The following TBC1D22A variants were observed in gnomAD, a reference collection of about 807,000 sequenced individuals.
The protein encoded by TBC1D22A is TBC1 domain family member 22A.
TBC1D22A carries 38 observed loss-of-function variants against 60.2 expected under a neutral mutation model. That is an observed-to-expected ratio of 0.63 (90% CI 0.49 to 0.83). The LOEUF (loss-of-function observed/expected upper bound fraction) is 0.83, where lower values mean the gene tolerates loss of function less well. Among genes scored for constraint, TBC1D22A ranks in the 40% least tolerant of loss-of-function variants. TBC1D22A has a pLI of 0.00. For synonymous variants in TBC1D22A, 302 were observed against 281.7 expected (o/e 1.07, Z -0.72); for missense variants, 628 against 701.0 (o/e 0.90, Z 1.18).
intron 4 of TBC1D22A, among the ~76,000 whole-genome samples, chr22:46,802,368 C>T (rs1209137047): frequency 2.6e-5 from 4 of 152,134 alleles, no homozygotes; most frequent in Admixed American, 6.5e-5. Context: ...GCTGGAGCTG[C>T]TCTGCAGTTG....
chr22:46,852,311 G>A (rs1005166157), intron 4 of TBC1D22A, among the ~76,000 whole-genome samples: 1 of 152,220 alleles, frequency 6.6e-6, no homozygotes, highest in Admixed American at 6.5e-5. Flanking sequence ...GAGAACTTTA[G>A]CACCTCCCCT....
At chr22:46,964,180 CCGAAACA>C (rs2073685219) in intron 8 of TBC1D22A, among the ~76,000 whole-genome samples, 1 of 152,178 alleles carries the variant, frequency 6.6e-6, no homozygotes, top group African/African-American at 2.4e-5. Flanking sequence ...GCTGGGCCAT[CCGAAACA>C]CATTCTTTGT....
chr22:47,053,320 G>T (rs550134655), intron 11 of TBC1D22A, among the ~76,000 whole-genome samples: 2 of 152,310 alleles, frequency 1.3e-5, no homozygotes, highest in South Asian at 4.1e-4. Flanking sequence ...AGAAGGTGAG[G>T]GGTTGCCAGG....
chr22:46,869,203 G>T (rs1454578167), intron 4 of TBC1D22A, among the ~76,000 whole-genome samples: 1 of 152,208 alleles, frequency 6.6e-6, no homozygotes, highest in Admixed American at 6.5e-5. Context: ...ATAAATCTGT[G>T]CTTTGCTTAG....
chr22:46,807,652 T>G (rs1361017736), intron 4 of TBC1D22A, among the ~76,000 whole-genome samples: 1 of 152,170 alleles, frequency 6.6e-6, no homozygotes, highest in Non-Finnish European at 1.5e-5. Flanking sequence ...TTCCTGTGAT[T>G]CCCATTTTGC....
chr22:47,025,681 G>T (rs1266146992), intron 10 of TBC1D22A, among the ~76,000 whole-genome samples: 2 of 152,240 alleles, frequency 1.3e-5, no homozygotes, highest in African/African-American at 4.8e-5. Flanking sequence ...AGTACTGAGT[G>T]TGTGAGAAGA....
chr22:47,076,638 C>T (rs2064238951), intron 11 of TBC1D22A, among the ~76,000 whole-genome samples: 1 of 151,920 alleles, frequency 6.6e-6, no homozygotes, highest in African/African-American at 2.4e-5. Flanking sequence ...CATTTCCTTC[C>T]ACTTGTTCTC....
intron 12 of TBC1D22A, among the ~76,000 whole-genome samples, chr22:47,117,930 C>G (rs1168280067): frequency 6.6e-6 from 1 of 152,062 alleles, no homozygotes; most frequent in African/African-American, 2.4e-5. Context: ...CGAGACCAGC[C>G]TGACCAACAT....
intron 11 of TBC1D22A, among the ~76,000 whole-genome samples, chr22:47,058,362 G>T (rs117747277): frequency 6.6e-6 from 1 of 152,036 alleles, no homozygotes; most frequent in Non-Finnish European, 1.5e-5. Flanking sequence ...CCACCCGCCC[G>T]ACAGAAGCCA....
intron 8 of TBC1D22A, among the ~76,000 whole-genome samples, chr22:46,921,340 T>C (rs985599132): frequency 6.6e-6 from 1 of 152,208 alleles, no homozygotes; most frequent in African/African-American, 2.4e-5. Flanking sequence ...ACATGCAGTA[T>C]TTGGTTTTCT....
At chr22:47,108,458 ATTATATGATTCCCT>A (rs2147707071) in intron 11 of TBC1D22A, among the ~76,000 whole-genome samples, 1 of 152,366 alleles carries the variant, frequency 6.6e-6, no homozygotes, top group South Asian at 2.1e-4. Context: ...CCAAATGTGT[ATTATATGATTCCCT>A]TTATTTGAAA....
At chr22:47,030,608 G>GA (rs764725887) in intron 10 of TBC1D22A, among the ~76,000 whole-genome samples, 1 of 152,080 alleles carries the variant, frequency 6.6e-6, no homozygotes, top group Non-Finnish European at 1.5e-5. Flanking sequence ...AGGGCTTTAT[G>GA]AAAAAACCTT....
intron 11 of TBC1D22A, among the ~76,000 whole-genome samples, chr22:47,073,321 G>A (rs1444495366): frequency 1.3e-5 from 2 of 152,178 alleles, no homozygotes; most frequent in Non-Finnish European, 2.9e-5. Flanking sequence ...TCTATTTTGT[G>A]CCGCTGGCGG....
chr22:47,076,395 A>G (rs2064227641), intron 11 of TBC1D22A, among the ~76,000 whole-genome samples: 1 of 123,266 alleles, frequency 8.1e-6, no homozygotes. Context: ...ACACACACAC[A>G]CACACACACA....
chr22:47,130,875 G>A (rs1224357646), intron 12 of TBC1D22A, among the ~76,000 whole-genome samples: 1 of 152,182 alleles, frequency 6.6e-6, no homozygotes, highest in South Asian at 2.1e-4. Context: ...GAACACCCTG[G>A]CCTGGGTAAT....
intron 12 of TBC1D22A, among the ~76,000 whole-genome samples, chr22:47,155,053 G>A (rs1057507631): frequency 2.0e-5 from 3 of 152,186 alleles, no homozygotes; most frequent in East Asian, 3.9e-4. Context: ...TGAAAAAGAC[G>A]AAGGGCTGCG....
At chr22:46,956,562 C>G (rs546239492) in intron 8 of TBC1D22A, among the ~76,000 whole-genome samples, 58 of 152,328 alleles carry the variant, frequency 3.8e-4, no homozygotes, top group Non-Finnish European at 6.9e-4. Flanking sequence ...AAGCCACTTC[C>G]TTTTCAGGGG....
intron 12 of TBC1D22A, among the ~76,000 whole-genome samples, chr22:47,171,558 TCC>T (rs1341327348): frequency 1.3e-5 from 2 of 152,030 alleles, no homozygotes; most frequent in African/African-American, 4.8e-5. Flanking sequence ...GACCTGATGG[TCC>T]CCTGTTTCTC....
intron 4 of TBC1D22A, among the ~76,000 whole-genome samples, chr22:46,868,560 AGT>A (rs1388694514): frequency 6.6e-6 from 1 of 152,186 alleles, no homozygotes; most frequent in Non-Finnish European, 1.5e-5. Context: ...TACTGGAAAG[AGT>A]AGTCCTCCGT....
Sources: gnomAD v4.1 joint callset for allele counts (sites outside exome capture counted in the v4.1 genomes callset) on GRCh38, gnomAD v4.1.1 for gene constraint, MANE v1.5 for transcripts, NCBI Gene and HGNC (gene_info 2026-07-23, HGNC 2026-07-21) for gene names.